Variants in TEAD1 observed in about 807,000 individuals in gnomAD.
TEAD1 encodes the protein transcriptional enhancer factor TEF-1.
In TEAD1, 9 loss-of-function variants were observed where a neutral mutation model predicts 54.9. The observed-to-expected ratio is 0.16, with a 90% CI of 0.10 to 0.29. The LOEUF (loss-of-function observed/expected upper bound fraction) is 0.29. TEAD1 is among the 10% of genes least tolerant of loss of function. TEAD1 has a pLI of 1.00. For missense variants in TEAD1, 387 were observed against 535.9 expected (o/e 0.72, Z 2.74); for synonymous variants, 200 against 187.8 (o/e 1.07, Z -0.53).
At chr11:12,819,559 C>T (rs930837813) in intron 3 of TEAD1, among the ~76,000 whole-genome samples, 4 of 152,130 alleles carry the variant, frequency 2.6e-5, no homozygotes, top group African/African-American at 9.7e-5. Flanking sequence ...CGCCATTCTC[C>T]TGCCTCAGCC....
intron 2 of TEAD1, among the ~76,000 whole-genome samples, chr11:12,699,501 A>T (rs1204264516): frequency 6.6e-6 from 1 of 152,160 alleles, no homozygotes; most frequent in Non-Finnish European, 1.5e-5. Flanking sequence ...AGCATTTTTC[A>T]GTTAGAGTCA....
intron 3 of TEAD1, among the ~76,000 whole-genome samples, chr11:12,799,323 T>G (rs1039206933): frequency 6.6e-6 from 1 of 152,270 alleles, no homozygotes; most frequent in Non-Finnish European, 1.5e-5. Context: ...CGCTTGTTAA[T>G]AGTCACATGC....
chr11:12,757,851 C>T (rs945315286), intron 2 of TEAD1, among the ~76,000 whole-genome samples: 2 of 152,140 alleles, frequency 1.3e-5, no homozygotes, highest in African/African-American at 4.8e-5. Flanking sequence ...CTGATCTTGG[C>T]TCACTGCTAT....
At chr11:12,758,636 G>A (rs1424499984) in intron 2 of TEAD1, among the ~76,000 whole-genome samples, 1 of 151,998 alleles carries the variant, frequency 6.6e-6, no homozygotes, top group Non-Finnish European at 1.5e-5. Flanking sequence ...GGATGGTCTT[G>A]ATCTCCTGAC....
rs1352884619 is a variant in TEAD1 at position 12,937,237 on chromosome 11, A to G, written c.*15A>G. On this transcript the variant is annotated 3_prime_UTR_variant, in exon 13 of 13. Transcript: ENST00000527636. ...TAAAGGACTGAACATGGTTATTTATATATATAGATATCTGTATATACACAC... is the reference window on the plus strand; with the variant it reads ...TAAAGGACTGAACATGGTTATTTATGTATATAGATATCTGTATATACACAC... The G allele has an allele frequency of 6.5e-7, 1 of 1,546,532 alleles. No individual in the cohort carries two copies. The highest frequency in any genetic ancestry group is 1.1e-5 in the South Asian group (1 of 89,168).
intron 2 of TEAD1, among the ~76,000 whole-genome samples, chr11:12,763,114 A>C (rs150470910): frequency 6.6e-6 from 1 of 152,202 alleles, no homozygotes; most frequent in Admixed American, 6.5e-5. Context: ...GACAGCAGGG[A>C]GTACTGGATT....
At chr11:12,933,323 T>C (rs189006476) in intron 12 of TEAD1, among the ~76,000 whole-genome samples, 8 of 152,312 alleles carry the variant, frequency 5.3e-5, no homozygotes, top group Admixed American at 5.2e-4. Context: ...GAATTAATAG[T>C]TTAGTTTTAG....
chr11:12,712,565 A>G (rs138798768), intron 2 of TEAD1, among the ~76,000 whole-genome samples: 19 of 152,304 alleles, frequency 1.2e-4, no homozygotes, highest in African/African-American at 4.3e-4. Flanking sequence ...AAGTTAAATA[A>G]TGCATGTGAA....
intron 2 of TEAD1, among the ~76,000 whole-genome samples, chr11:12,729,066 T>G (rs1337647541): frequency 1.3e-5 from 2 of 152,220 alleles, no homozygotes; most frequent in East Asian, 3.9e-4. Context: ...TCTCTAATAT[T>G]AGAGGAGCCT....
intron 2 of TEAD1, among the ~76,000 whole-genome samples, chr11:12,686,594 T>C (rs1363674033): frequency 1.3e-5 from 2 of 152,212 alleles, no homozygotes; most frequent in Non-Finnish European, 1.5e-5. Flanking sequence ...TGTATGAAAT[T>C]GGGGGATTTC....
intron 2 of TEAD1, among the ~76,000 whole-genome samples, chr11:12,737,960 C>T (rs1461352895): frequency 1.3e-5 from 2 of 152,094 alleles, no homozygotes; most frequent in African/African-American, 4.8e-5. Flanking sequence ...GGCAGCATGG[C>T]GGCAGGCTAG....
chr11:12,899,991 A>G (rs1266464356), intron 9 of TEAD1, among the ~76,000 whole-genome samples: 1 of 152,242 alleles, frequency 6.6e-6, no homozygotes, highest in African/African-American at 2.4e-5. Context: ...CCTTCAGGAT[A>G]TATTTCATAG....
chr11:12,879,538 G>A, intron 5 of TEAD1, 170 bp from the exon 6 acceptor site: 1 of 792,556 alleles, frequency 1.3e-6, no homozygotes, highest in Non-Finnish European at 2.1e-6. Context: ...GGTACGGTAG[G>A]TTGAGTGTGG....
At chr11:12,810,561 T>C (rs746393018) in intron 3 of TEAD1, among the ~76,000 whole-genome samples, 8 of 152,168 alleles carry the variant, frequency 5.3e-5, no homozygotes, top group African/African-American at 9.6e-5. Context: ...CTTCCCACCT[T>C]AGTCTTCGGA....
chr11:12,841,542 T>G (rs193169728), intron 3 of TEAD1, among the ~76,000 whole-genome samples: 19 of 152,372 alleles, frequency 1.2e-4, no homozygotes, highest in Non-Finnish European at 2.2e-4. Context: ...CTCTGGCTTT[T>G]CTGAGAATCC....
chr11:12,775,559 G>T (rs186690301), intron 3 of TEAD1, among the ~76,000 whole-genome samples: 24 of 152,306 alleles, frequency 1.6e-4, no homozygotes, highest in Non-Finnish European at 3.2e-4. Context: ...TGTGTTTAAA[G>T]TGGTCTTTTT....
At chr11:12,875,626 C>T (rs890662247) in intron 5 of TEAD1, among the ~76,000 whole-genome samples, 1 of 152,122 alleles carries the variant, frequency 6.6e-6, no homozygotes, top group Non-Finnish European at 1.5e-5. Context: ...CAGAGTAGCT[C>T]GACCACAAAA....
In TEAD1 at chr11:12,884,009, A is replaced by AAT. The variant is rs1491492401; in HGVS notation, c.699+884_699+885insAT. Among the ~76,000 whole-genome samples the AAT allele has an allele frequency of 2.0e-5, 3 of 148,456 alleles. 1 individual carries two copies. Among genetic ancestry groups the AAT allele is most frequent in the Non-Finnish European group, 4.5e-5 (3 of 67,340 alleles). ...ACTCCGTCTCAAAAAAAAAAAAAAAAGAAGAAGTAACAAAATGGCACTTTA... is the reference window on the plus strand; with the variant it reads ...ACTCCGTCTCAAAAAAAAAAAAAAAAATGAAGAAGTAACAAAATGGCACTTTA... On this transcript the variant is annotated intron_variant, in intron 9 of 12. Transcript: ENST00000527636.
rs760008796 is a variant in TEAD1, at chr11:12,862,330, TG to T, written c.267+18del. On this transcript the variant is annotated intron_variant, in intron 4 of 12. Transcript: ENST00000527636. ...CAGAAAACAGGTAAAATAACCCACC[TG>T]GAAATTGTGCATGTCAGCGAATGGC... 1 of 1,612,836 alleles carries T rather than the reference TG, an allele frequency of 6.2e-7. No individual in the cohort carries two copies. The highest frequency in any genetic ancestry group is 1.3e-5 in the African/African-American group (1 of 75,006).
Sources: allele counts gnomAD v4.1 joint callset (sites outside exome capture counted in the v4.1 genomes callset), GRCh38; gene constraint gnomAD v4.1.1; transcripts MANE v1.5; gene names NCBI Gene and HGNC (gene_info 2026-07-23, HGNC 2026-07-21).